Variants in LHFPL3 observed in about 807,000 individuals in gnomAD.
The protein encoded by LHFPL3 is LHFPL tetraspan subfamily member 3.
LHFPL3 carries 5 observed loss-of-function variants against 19.3 expected under a neutral mutation model. That is an observed-to-expected ratio of 0.26 (90% CI 0.14 to 0.54). The LOEUF (loss-of-function observed/expected upper bound fraction) is 0.54, where lower values mean the gene tolerates loss of function less well. Among genes scored for constraint, LHFPL3 ranks in the 20% least tolerant of loss-of-function variants. The probability of loss-of-function intolerance (pLI) is 0.94; values close to 1 mark genes in which losing one functional copy is unlikely to be tolerated. For synonymous variants in LHFPL3, 133 were observed against 126.2 expected (o/e 1.05, Z -0.36); for missense variants, 249 against 307.4 (o/e 0.81, Z 1.42).
At chr7:104,339,646 A>G (rs1789907313) in intron 1 of LHFPL3, among the ~76,000 whole-genome samples, 1 of 152,226 alleles carries the variant, frequency 6.6e-6, no homozygotes. Flanking sequence ...CATTTTCACC[A>G]TTCTGTATCA....
At chr7:104,400,150 C>G (rs1420995836) in intron 1 of LHFPL3, among the ~76,000 whole-genome samples, 1 of 69,266 alleles carries the variant, frequency 1.4e-5, no homozygotes, top group East Asian at 4.6e-4. Context: ...AAAAAAAAGA[C>G]TCTACAGGAG....
chr7:104,846,122 A>C (rs867057726), intron 2 of LHFPL3, among the ~76,000 whole-genome samples: 4 of 152,230 alleles, frequency 2.6e-5, no homozygotes, highest in African/African-American at 7.2e-5. Context: ...TCACACATAC[A>C]CACACATGGG....
chr7:104,850,302 C>G (rs757901811), intron 2 of LHFPL3, among the ~76,000 whole-genome samples: 19 of 152,158 alleles, frequency 1.2e-4, no homozygotes, highest in Non-Finnish European at 2.1e-4. Context: ...AACTCCGTCA[C>G]AAAAAATAAA....
intron 1 of LHFPL3, among the ~76,000 whole-genome samples, chr7:104,597,786 T>C (rs1009325099): frequency 7.9e-5 from 12 of 152,160 alleles, no homozygotes; most frequent in African/African-American, 2.9e-4. Context: ...CTTCAAAAAG[T>C]TCATAGAAAA....
At chr7:104,723,520 G>A (rs892937952) in intron 1 of LHFPL3, among the ~76,000 whole-genome samples, 3 of 151,888 alleles carry the variant, frequency 2.0e-5, no homozygotes, top group African/African-American at 7.3e-5. Context: ...TCAGGAGTTT[G>A]AGACCAGCCT....
chr7:104,524,740 G>C (rs964908906), intron 1 of LHFPL3, among the ~76,000 whole-genome samples: 1 of 152,152 alleles, frequency 6.6e-6, no homozygotes, highest in African/African-American at 2.4e-5. Flanking sequence ...AAATGGAAAT[G>C]CTTTAAGGCT....
chr7:104,401,817 C>T, intron 1 of LHFPL3, among the ~76,000 whole-genome samples: 1 of 152,132 alleles, frequency 6.6e-6, no homozygotes, highest in East Asian at 1.9e-4. Context: ...GTTTGAGCGG[C>T]TCAGCCGTGC....
intron 2 of LHFPL3, among the ~76,000 whole-genome samples, chr7:104,824,788 ACTT>A (rs941011033): frequency 8.4e-6 from 1 of 118,458 alleles, no homozygotes; most frequent in African/African-American, 3.3e-5. Context: ...TATATTTCAA[ACTT>A]CTCTGTTTCA....
chr7:104,733,456 C>G (rs1056724041), intron 1 of LHFPL3, among the ~76,000 whole-genome samples: 18 of 152,016 alleles, frequency 1.2e-4, no homozygotes, highest in African/African-American at 1.7e-4. Flanking sequence ...TTGTTGAATT[C>G]ATCCCTTTAC....
intron 2 of LHFPL3, among the ~76,000 whole-genome samples, chr7:104,806,604 T>C (rs1790365700): frequency 6.6e-6 from 1 of 152,212 alleles, no homozygotes; most frequent in South Asian, 2.1e-4. Context: ...ATGTCCATTA[T>C]GTTCTTTGAG....
chr7:104,400,669 C>T (rs1791297486), intron 1 of LHFPL3, among the ~76,000 whole-genome samples: 1 of 152,152 alleles, frequency 6.6e-6, no homozygotes, highest in Non-Finnish European at 1.5e-5. Flanking sequence ...ATCCTCTCCA[C>T]TCAGCCAGAC....
At chr7:104,717,017 C>G (rs576419240) in intron 1 of LHFPL3, among the ~76,000 whole-genome samples, 1 of 152,202 alleles carries the variant, frequency 6.6e-6, no homozygotes, top group East Asian at 1.9e-4. Context: ...GAAATAATTC[C>G]ATACATGTAT....
chr7:104,529,352 A>T, intron 1 of LHFPL3, among the ~76,000 whole-genome samples: 1 of 152,072 alleles, frequency 6.6e-6, no homozygotes, highest in African/African-American at 2.4e-5. Flanking sequence ...TTCTGCCCCC[A>T]ATGTCTCCAT....
At chr7:104,602,532 C>T (rs1790990567) in intron 1 of LHFPL3, among the ~76,000 whole-genome samples, 1 of 152,126 alleles carries the variant, frequency 6.6e-6, no homozygotes, top group South Asian at 2.1e-4. Flanking sequence ...ATAAGGTGAC[C>T]AGCAACTAGG....
At chr7:104,762,299 A>C (rs1337962048) in intron 2 of LHFPL3, among the ~76,000 whole-genome samples, 1 of 152,228 alleles carries the variant, frequency 6.6e-6, no homozygotes, top group African/African-American at 2.4e-5. Context: ...CTGGACAATA[A>C]TGTGACAAAT....
intron 2 of LHFPL3, among the ~76,000 whole-genome samples, chr7:104,869,652 A>T (rs1467469769): frequency 6.6e-6 from 1 of 152,138 alleles, no homozygotes; most frequent in Non-Finnish European, 1.5e-5. Flanking sequence ...GGGACTGTAA[A>T]CTAGTTCAAC....
chr7:104,400,295 G>A (rs1791290509), intron 1 of LHFPL3, among the ~76,000 whole-genome samples: 1 of 151,896 alleles, frequency 6.6e-6, no homozygotes, highest in South Asian at 2.1e-4. Flanking sequence ...GTCTGAACCT[G>A]CTAATTAACT....
chr7:104,424,570 T>G (rs980986360), intron 1 of LHFPL3, among the ~76,000 whole-genome samples: 1 of 152,194 alleles, frequency 6.6e-6, no homozygotes, highest in Non-Finnish European at 1.5e-5. Flanking sequence ...ATTTAAAAGG[T>G]CAACCAACCA....
chr7:104,438,090 G>A (rs1792147128), intron 1 of LHFPL3, among the ~76,000 whole-genome samples: 1 of 152,120 alleles, frequency 6.6e-6, no homozygotes, highest in African/African-American at 2.4e-5. Context: ...TAGGGATACT[G>A]ACCAAATATT....
Sources: gnomAD v4.1 joint callset for allele counts (sites outside exome capture counted in the v4.1 genomes callset) on GRCh38, gnomAD v4.1.1 for gene constraint, MANE v1.5 for transcripts, NCBI Gene and HGNC (gene_info 2026-07-23, HGNC 2026-07-21) for gene names.